The following MAGI2 variants were observed in gnomAD, a reference collection of about 807,000 sequenced individuals.
MAGI2 encodes membrane-associated guanylate kinase, WW and PDZ domain-containing protein 2.
A neutral mutation model predicts 133.3 loss-of-function variants in MAGI2; 35 were observed. That is an observed-to-expected ratio of 0.26 (90% CI 0.20 to 0.35). MAGI2 has a LOEUF of 0.35. Among genes scored for constraint, MAGI2 ranks in the 10% least tolerant of loss-of-function variants. The probability of loss-of-function intolerance (pLI) is 1.00; values close to 1 mark genes in which losing one functional copy is unlikely to be tolerated. For missense variants in MAGI2, 1,636 were observed against 1,863.4 expected, an observed-to-expected ratio of 0.88 and a Z score of 2.25; for synonymous variants, 729 against 710.6, an observed-to-expected ratio of 1.03 and a Z score of -0.41.
intron 6 of MAGI2, among the ~76,000 whole-genome samples, chr7:78,395,719 T>C (rs1394438814): frequency 6.6e-6 from 1 of 152,216 alleles, no homozygotes; most frequent in Admixed American, 6.6e-5. Flanking sequence ...TTTTCTATTT[T>C]ATACTATAAA....
intron 2 of MAGI2, among the ~76,000 whole-genome samples, chr7:78,680,423 C>A (rs1815519777): frequency 6.6e-6 from 1 of 152,020 alleles, no homozygotes; most frequent in Non-Finnish European, 1.5e-5. Context: ...AGTAAGCTCT[C>A]TTAGGTTTGG....
chr7:78,750,975 A>C (rs2151277674), intron 2 of MAGI2, among the ~76,000 whole-genome samples: 1 of 152,360 alleles, frequency 6.6e-6, no homozygotes, highest in African/African-American at 2.4e-5. Flanking sequence ...GAGAAATCCT[A>C]AGAGTAAATA....
At chr7:78,721,238 G>A (rs1242343910) in intron 2 of MAGI2, among the ~76,000 whole-genome samples, 1 of 151,846 alleles carries the variant, frequency 6.6e-6, no homozygotes, top group Non-Finnish European at 1.5e-5. Context: ...ACATCTTTTA[G>A]GTCACCTAAG....
intron 2 of MAGI2, among the ~76,000 whole-genome samples, chr7:78,887,963 G>A (rs796577038): frequency 1.3e-5 from 2 of 152,190 alleles, no homozygotes; most frequent in African/African-American, 2.4e-5. Context: ...AAGGGGTCAG[G>A]GAATTCCCTT....
chr7:79,292,459 CA>C (rs892690687), intron 1 of MAGI2, among the ~76,000 whole-genome samples: 1 of 149,252 alleles, frequency 6.7e-6, no homozygotes, highest in South Asian at 2.1e-4. Flanking sequence ...CTGTCTCTAC[CA>C]AAAAAAATAA....
intron 3 of MAGI2, among the ~76,000 whole-genome samples, chr7:78,571,478 C>T (rs955201110): frequency 6.6e-6 from 1 of 152,118 alleles, no homozygotes; most frequent in Non-Finnish European, 1.5e-5. Flanking sequence ...AGATCAAATA[C>T]CATTTCAATG....
At chr7:78,089,151 T>C (rs1816937449) in intron 20 of MAGI2, among the ~76,000 whole-genome samples, 1 of 152,258 alleles carries the variant, frequency 6.6e-6, no homozygotes, top group Admixed American at 6.5e-5. Context: ...TTCAGACTTC[T>C]GACTCCAGAA....
At chr7:78,935,273 T>G (rs982218772) in intron 2 of MAGI2, among the ~76,000 whole-genome samples, 3 of 152,200 alleles carry the variant, frequency 2.0e-5, no homozygotes, top group Non-Finnish European at 4.4e-5. Flanking sequence ...GTTTTTCTAA[T>G]GTACAAACTG....
At chr7:79,439,071 G>T (rs1848330069) in intron 1 of MAGI2, among the ~76,000 whole-genome samples, 2 of 151,766 alleles carry the variant, frequency 1.3e-5, no homozygotes, top group South Asian at 4.2e-4. Flanking sequence ...CCTTTCTTTG[G>T]CCTCATTGGT....
At chr7:79,362,133 T>G (rs562280398) in intron 1 of MAGI2, among the ~76,000 whole-genome samples, 1 of 151,906 alleles carries the variant, frequency 6.6e-6, no homozygotes. Flanking sequence ...CATAGCTTTT[T>G]TTTAAAAAAA....
intron 3 of MAGI2, among the ~76,000 whole-genome samples, chr7:78,580,282 G>A (rs1191952963): frequency 6.6e-6 from 1 of 152,152 alleles, no homozygotes; most frequent in Non-Finnish European, 1.5e-5. Flanking sequence ...ATTTAAGAGA[G>A]GAATATCAAT....
At chr7:78,648,475 T>G (rs1811144750) in intron 2 of MAGI2, among the ~76,000 whole-genome samples, 1 of 152,252 alleles carries the variant, frequency 6.6e-6, no homozygotes, top group African/African-American at 2.4e-5. Flanking sequence ...CCTTATGATT[T>G]TCTTTCACCA....
chr7:78,395,161 G>T (rs1796229135), intron 6 of MAGI2, among the ~76,000 whole-genome samples: 1 of 152,128 alleles, frequency 6.6e-6, no homozygotes, highest in South Asian at 2.1e-4. Flanking sequence ...CATAGATAGG[G>T]TCCTTTAGTG....
At chr7:78,085,550 C>CA (rs1554441619) in intron 20 of MAGI2, among the ~76,000 whole-genome samples, 13,310 of 120,964 alleles carry the variant, frequency 0.11, 744 homozygotes, top group Non-Finnish European at 0.14. Flanking sequence ...AATAAAACTC[C>CA]CACACACACA....
At chr7:78,781,250 G>A (rs1224683346) in intron 2 of MAGI2, among the ~76,000 whole-genome samples, 1 of 151,656 alleles carries the variant, frequency 6.6e-6, no homozygotes, top group Non-Finnish European at 1.5e-5. Flanking sequence ...ATGGTGGCGG[G>A]CGCCTGTAGT....
chr7:78,944,846 C>T (rs920688709), intron 2 of MAGI2, among the ~76,000 whole-genome samples: 3 of 151,980 alleles, frequency 2.0e-5, no homozygotes, highest in Non-Finnish European at 4.4e-5. Context: ...AAACGATCCC[C>T]CCACCTCAGC....
intron 2 of MAGI2, among the ~76,000 whole-genome samples, chr7:78,772,347 A>G (rs1248955293): frequency 6.6e-6 from 1 of 152,218 alleles, no homozygotes; most frequent in Non-Finnish European, 1.5e-5. Context: ...AATTATTAGA[A>G]TGAAGACCAA....
chr7:79,173,228 A>G (rs529504351), intron 1 of MAGI2, among the ~76,000 whole-genome samples: 3 of 152,214 alleles, frequency 2.0e-5, no homozygotes, highest in African/African-American at 7.2e-5. Flanking sequence ...TTTCTTAAGA[A>G]ACATTGCTAA....
intron 6 of MAGI2, among the ~76,000 whole-genome samples, chr7:78,375,861 G>A (rs115939848): frequency 2.6e-3 from 396 of 152,150 alleles, no homozygotes; most frequent in African/African-American, 9.1e-3. Flanking sequence ...CTTAATATAA[G>A]TGAGTTTAAA....
Sources: gnomAD v4.1 joint callset for allele counts (sites outside exome capture counted in the v4.1 genomes callset) on GRCh38, gnomAD v4.1.1 for gene constraint, MANE v1.5 for transcripts, NCBI Gene and HGNC (gene_info 2026-07-23, HGNC 2026-07-21) for gene names.